OR1L8: variants seen among roughly 807,000 people sequenced by gnomAD.
The protein encoded by OR1L8 is olfactory receptor family 1 subfamily L member 8, also known as olfactory receptor 1L8.
For missense variants in OR1L8, 330 were observed against 377.4 expected, an observed-to-expected ratio of 0.87 and a Z score of 1.04; for synonymous variants, 148 against 147.0, an observed-to-expected ratio of 1.01 and a Z score of -0.05.
intron 3 of OR1L8, among the ~76,000 whole-genome samples, chr9:122,576,431 C>T (rs13295294): frequency 0.089 from 13,106 of 146,858 alleles, 669 homozygotes; most frequent in Middle Eastern, 0.14. Context: ...GATGTGGTTT[C>T]GCTACATTGG....
chr9:122,551,169 A>G, the OR1L8 span, among the ~76,000 whole-genome samples: 1 of 152,210 alleles, frequency 6.6e-6, no homozygotes, highest in Non-Finnish European at 1.5e-5. Context: ...TAGCTACAAA[A>G]AGTTGGATTA....
At chr9:122,553,686 G>T in the OR1L8 span, 1 of 1,614,082 alleles carries the variant, frequency 6.2e-7, no homozygotes. Flanking sequence ...CAACTGTCCT[G>T]CCCTGATGCA....
At chr9:122,568,984 G>T (rs753033694) in intron 4 of OR1L8, among the ~76,000 whole-genome samples, 1 of 149,278 alleles carries the variant, frequency 6.7e-6, no homozygotes, top group Non-Finnish European at 1.5e-5. Context: ...AGATGGGGAG[G>T]TTTCAGGACA....
intron 1 of OR1L8, among the ~76,000 whole-genome samples, chr9:122,581,333 T>C (rs1041785100): frequency 1.3e-5 from 2 of 151,784 alleles, no homozygotes; most frequent in African/African-American, 2.4e-5. Flanking sequence ...GCCACTGCAC[T>C]CCAGCCTGGC....
intron 2 of OR1L8, among the ~76,000 whole-genome samples, chr9:122,577,458 G>GCAAA (rs749910233): frequency 6.6e-6 from 1 of 152,066 alleles, no homozygotes; most frequent in Non-Finnish European, 1.5e-5. Flanking sequence ...ATAAAAGAAG[G>GCAAA]CAAACACCTC....
chr9:122,582,442 G>T (rs532980437), intron 1 of OR1L8, among the ~76,000 whole-genome samples: 1 of 151,998 alleles, frequency 6.6e-6, no homozygotes, highest in African/African-American at 2.4e-5. Context: ...AAGGCTCGGC[G>T]CAGTGGCTCA....
chr9:122,549,819 G>A, the OR1L8 span, among the ~76,000 whole-genome samples: 4 of 151,874 alleles, frequency 2.6e-5, no homozygotes, highest in East Asian at 5.8e-4. Flanking sequence ...TGTTCTTTTT[G>A]CTTAGGATTT....
At chr9:122,563,074 A>T (rs1292796233), downstream of OR1L8, among the ~76,000 whole-genome samples, 1 of 152,058 alleles carries the variant, frequency 6.6e-6, no homozygotes, top group Non-Finnish European at 1.5e-5. Flanking sequence ...GATATATTTT[A>T]ATTTTTTGAG....
chr9:122,554,143 G>T, the OR1L8 span: 3 of 1,610,816 alleles, frequency 1.9e-6, no homozygotes, highest in Non-Finnish European at 1.7e-6. Context: ...TTTGTCAGTG[G>T]AAAAACATTC....
intron 1 of OR1L8, among the ~76,000 whole-genome samples, chr9:122,581,488 G>A (rs918354231): frequency 5.9e-5 from 9 of 152,138 alleles, no homozygotes; most frequent in Non-Finnish European, 1.2e-4. Context: ...ATCTTTGTAG[G>A]ACTCCTGTTT....
the OR1L8 span, among the ~76,000 whole-genome samples, chr9:122,552,395 A>C: frequency 6.6e-6 from 1 of 152,166 alleles, no homozygotes; most frequent in Admixed American, 6.5e-5. Flanking sequence ...TGTAGTACAA[A>C]TGTAGGGGTG....
At chr9:122,561,742 C>T in the OR1L8 span, among the ~76,000 whole-genome samples, 1 of 152,248 alleles carries the variant, frequency 6.6e-6, no homozygotes, top group East Asian at 1.9e-4. Flanking sequence ...TTGAGGGGCA[C>T]CGACCTAATG....
chr9:122,560,802 G>A, the OR1L8 span, among the ~76,000 whole-genome samples: 2 of 152,094 alleles, frequency 1.3e-5, no homozygotes, highest in East Asian at 1.9e-4. Context: ...ATGATTATGT[G>A]TCTTGGGGTT....
At chr9:122,572,579 G>T (rs371212338) in intron 4 of OR1L8, among the ~76,000 whole-genome samples, 3 of 147,974 alleles carry the variant, frequency 2.0e-5, no homozygotes, top group Admixed American at 6.7e-5. Flanking sequence ...TTTGGGTTTG[G>T]TTTTTTTTTT....
At chr9:122,552,185 C>G in the OR1L8 span, among the ~76,000 whole-genome samples, 1 of 150,476 alleles carries the variant, frequency 6.6e-6, no homozygotes, top group Non-Finnish European at 1.5e-5. Context: ...AGAAGCTTCT[C>G]TATGAACCAA....
the OR1L8 span, chr9:122,553,149 C>T: frequency 6.4e-7 from 1 of 1,552,396 alleles, no homozygotes; most frequent in Non-Finnish European, 8.7e-7. Flanking sequence ...GTAAATTGAT[C>T]TAATAAATAA....
At chr9:122,577,494 G>A (rs1195485885) in intron 2 of OR1L8, among the ~76,000 whole-genome samples, 1 of 152,108 alleles carries the variant, frequency 6.6e-6, no homozygotes, top group Non-Finnish European at 1.5e-5. Flanking sequence ...CAATGAACAT[G>A]AACAGGCAAT....
At chr9:122,569,963 AATG>A (rs1829512142) in intron 4 of OR1L8, among the ~76,000 whole-genome samples, 1 of 150,272 alleles carries the variant, frequency 6.7e-6, no homozygotes, top group Non-Finnish European at 1.5e-5. Context: ...GTTTACTGAG[AATG>A]ATGATTTCCA....
At position 122,568,261 on chromosome 9, in the gene OR1L8, A is replaced by C; in HGVS notation, c.217T>G (p.Cys73Gly). The C allele has an allele frequency of 6.2e-7, 1 of 1,614,104 alleles. No individual in the cohort carries two copies. Residue 73 changes from cysteine to glycine, a missense_variant, in exon 5 of 5, where the codon TGC (cysteine) becomes GGC (glycine). Cys to Gly is a radical substitution (Grantham distance 159). Transcript: ENST00000641027. ...FLSFLSLTDICFTTSVVPKML... is the reference protein window; with the variant it reads ...FLSFLSLTDIGFTTSVVPKML... Reference sequence around the variant, plus strand: ...TTGGGGACAACGCTTGTTGTAAAGCAAATATCAGTGAGAGACAGAAAACTC... The same window carrying C: ...TTGGGGACAACGCTTGTTGTAAAGCCAATATCAGTGAGAGACAGAAAACTC...
Sources: gnomAD v4.1 joint callset for allele counts (sites outside exome capture counted in the v4.1 genomes callset) on GRCh38, gnomAD v4.1.1 for gene constraint, MANE v1.5 for transcripts, NCBI Gene and HGNC (gene_info 2026-07-23, HGNC 2026-07-21) for gene names.